The following COX11 variants were observed in gnomAD, a reference collection of about 807,000 sequenced individuals.
COX11 encodes the protein cytochrome c oxidase copper chaperone COX11, also known as cytochrome c oxidase assembly protein COX11, mitochondrial.
A neutral mutation model predicts 29.4 loss-of-function variants in COX11; 18 were observed. The observed-to-expected ratio is 0.61, with a 90% CI of 0.42 to 0.91. The LOEUF is 0.91. Ranked by LOEUF, COX11 falls within the 40% of genes least tolerant of loss-of-function variation. COX11 has a pLI of 0.00. For synonymous variants in COX11, 131 were observed against 124.0 expected (o/e 1.06, Z -0.38); for missense variants, 312 against 346.0 (o/e 0.90, Z 0.78).
At chr17:54,959,777 A>G (rs931883830), downstream of COX11, among the ~76,000 whole-genome samples, 3 of 151,962 alleles carry the variant, frequency 2.0e-5, no homozygotes, top group African/African-American at 4.8e-5. Context: ...ACCACCACAC[A>G]TGATAATTTT....
downstream of COX11, chr17:54,957,784 T>C (rs2076984623): frequency 1.3e-5 from 2 of 152,244 alleles, no homozygotes; most frequent in Non-Finnish European, 2.9e-5. Flanking sequence ...CACGATTCAC[T>C]AATTTCAATA....
exon 1 of COX11, chr17:54,952,424 G>GC (rs1325023490): frequency 6.6e-6 from 1 of 151,822 alleles, no homozygotes; most frequent in African/African-American, 2.4e-5. Flanking sequence ...GTGCGCACCT[G>GC]TAGTCCCAGC....
chr17:54,952,648 G>A (rs1425846177), exon 1 of COX11: 3 of 151,960 alleles, frequency 2.0e-5, no homozygotes, highest in Non-Finnish European at 2.9e-5. Flanking sequence ...TTCCCCTGAG[G>A]TATTTATTCA....
intron 1 of COX11, among the ~76,000 whole-genome samples, chr17:54,967,134 T>A (rs1259290691): frequency 6.6e-6 from 1 of 152,052 alleles, no homozygotes; most frequent in Non-Finnish European, 1.5e-5. Context: ...ATTCCCAAAC[T>A]TTCCTGCACG....
chr17:54,955,472 G>T (rs981497077), downstream of COX11, among the ~76,000 whole-genome samples: 1 of 152,140 alleles, frequency 6.6e-6, no homozygotes, highest in Admixed American at 6.5e-5. Flanking sequence ...CAAACTAACA[G>T]CAGTCCTTCT....
At chr17:54,959,114 T>A (rs2077040253), downstream of COX11, 2 of 152,148 alleles carry the variant, frequency 1.3e-5, no homozygotes, top group Non-Finnish European at 1.5e-5. Flanking sequence ...AAGACTGAAA[T>A]CGTTTTGAGG....
At chr17:54,960,343 CAA>C (rs977288532), downstream of COX11, among the ~76,000 whole-genome samples, 72 of 151,950 alleles carry the variant, frequency 4.7e-4, no homozygotes, top group South Asian at 4.2e-4. Flanking sequence ...CCAGCCTGGA[CAA>C]AAGAGTGAGA....
chr17:54,963,010 C>T (rs949830540), intron 3 of COX11, 95 bp from the exon 4 acceptor site: 50 of 1,115,048 alleles, frequency 4.5e-5, no homozygotes, highest in Non-Finnish European at 6.2e-5. Context: ...CAGTACACTT[C>T]GTGATTTTAA....
At chr17:54,953,295 G>C (rs2049327153) in exon 1 of COX11, 2 of 152,384 alleles carry the variant, frequency 1.3e-5, no homozygotes, top group Non-Finnish European at 2.9e-5. Context: ...CTTGAGCCTG[G>C]GAGTTGGAGG....
chr17:54,968,292 G>A lies in COX11; in HGVS notation c.355C>T (p.Leu119Phe), dbSNP rs766319645. ...ASYAAVPLYR[L>F]YCQTTGLGGS... The stretch of plus-strand genomic sequence containing the variant: ...GCGCCGGCCCCTACCTGGCAATAGA[G>A]CCGATAAAGGGGTACGGCAGCGTAG... The change falls in exon 1 of 4, where the codon CTC becomes TTC. Residue 119 changes from leucine (L) to phenylalanine (F), a missense_variant. By Grantham distance (22) the Leu-to-Phe change is conservative. This residue lies in a region of COX11 where 182 missense variants were observed against 240.0 expected (regional missense o/e 0.76). Transcript: ENST00000299335. 3 of 1,612,242 alleles carry A rather than the reference G, an allele frequency of 1.9e-6. No individual in the cohort carries two copies. Among genetic ancestry groups the A allele is most frequent in the East Asian group, 2.2e-5 (1 of 44,812 alleles).
intron 1 of COX11, among the ~76,000 whole-genome samples, chr17:54,965,183 A>C (rs1297296132): frequency 6.6e-6 from 1 of 152,224 alleles, no homozygotes; most frequent in Non-Finnish European, 1.5e-5. Flanking sequence ...TTTATAAAAA[A>C]CACATTTCCC....
At position 54,960,425 on chromosome 17, in the gene COX11, A is replaced by G; in HGVS notation, c.*2308T>C. On this transcript the variant is annotated 3_prime_UTR_variant, in exon 4 of 4. Coordinates refer to ENST00000299335, the MANE Select transcript of COX11 (RefSeq NM_004375.5). ...TTAAATAAACTAGAATACACACTTC[A>G]GGGCAGAGACTTATTTTTACTCATA... The G allele has an allele frequency of 1.5e-6, 1 of 649,382 alleles. No homozygotes were observed. Among genetic ancestry groups the G allele is most frequent in the East Asian group, 2.6e-5 (1 of 38,572 alleles). 40.2% of individuals were successfully genotyped at this position (649,382 alleles called of 1,614,324 possible). A position where few individuals can be genotyped will look rare whatever the true frequency, so the allele number is the denominator to read the frequency against.
intron 1 of COX11, among the ~76,000 whole-genome samples, chr17:54,965,391 G>C (rs563833885): frequency 9.9e-5 from 15 of 152,258 alleles, no homozygotes; most frequent in African/African-American, 3.6e-4. Context: ...TTCCCACGTT[G>C]GTTAATGGTT....
intron 1 of COX11, among the ~76,000 whole-genome samples, chr17:54,967,370 T>G (rs1442502508): frequency 6.6e-6 from 1 of 152,068 alleles, no homozygotes; most frequent in Non-Finnish European, 1.5e-5. Flanking sequence ...CTAACCAGAA[T>G]CTCTGGGGTA....
At chr17:54,966,409 G>C (rs1340290644) in intron 1 of COX11, among the ~76,000 whole-genome samples, 1 of 152,138 alleles carries the variant, frequency 6.6e-6, no homozygotes, top group Non-Finnish European at 1.5e-5. Flanking sequence ...CATTTCACAC[G>C]CAATATTATC....
Position 54,962,649 on chromosome 17 carries a change from T to C in COX11, c.*84A>G, listed in dbSNP as rs569141239. 4.1e-4 allele frequency: 619 copies of C among 1,494,942 alleles called. 1 individual carries two copies. The highest frequency in any genetic ancestry group is 5.0e-4 in the Middle Eastern group (2 of 4,030). 92.6% of individuals were successfully genotyped at this position (1,494,942 alleles called of 1,614,324 possible). A position where few individuals can be genotyped will look rare whatever the true frequency, so the allele number is the denominator to read the frequency against. ...ATTTAAAATATAAGCCTTCATATTA[T>C]TGTACAATATTTCTCCTTTGAGAAG... On this transcript the variant is annotated 3_prime_UTR_variant, in exon 4 of 4. Transcript: ENST00000299335.
intron 2 of COX11, 39 bp downstream of exon 2, chr17:54,964,658 T>C: frequency 6.4e-7 from 1 of 1,573,726 alleles, no homozygotes; most frequent in South Asian, 1.1e-5. Context: ...GGAATTTACA[T>C]TAATAAAGTA....
chr17:54,963,462 C>A (rs1469945205), intron 2 of COX11, 31 bp from the exon 3 acceptor site: 1 of 1,575,506 alleles, frequency 6.3e-7, no homozygotes, highest in Non-Finnish European at 8.6e-7. Flanking sequence ...ATTATCAATA[C>A]TTTGAATCTC....
downstream of COX11, chr17:54,956,991 GAAAGTAC>G (rs2049544423): frequency 1.3e-5 from 2 of 152,218 alleles, no homozygotes; most frequent in South Asian, 4.1e-4. Context: ...TGGTAATGAG[GAAAGTAC>G]ACTGGGATCC....
Sources: gnomAD v4.1 joint callset for allele counts (sites outside exome capture counted in the v4.1 genomes callset) on GRCh38, gnomAD v4.1.1 for gene constraint, gnomAD v4.1.1 regional missense constraint, MANE v1.5 for transcripts, NCBI Gene and HGNC (gene_info 2026-07-23, HGNC 2026-07-21) for gene names.